The following GRB10 variants were observed in gnomAD, a reference collection of about 807,000 sequenced individuals.
The protein encoded by GRB10 is growth factor receptor-bound protein 10.
A neutral mutation model predicts 80.9 loss-of-function variants in GRB10; 20 were observed. The ratio of observed to expected loss-of-function variants is 0.25; its 90% confidence interval spans 0.17 to 0.36. The LOEUF is 0.36. Ranked by LOEUF, GRB10 falls within the 10% of genes least tolerant of loss-of-function variation. GRB10 has a pLI of 1.00. For synonymous variants in GRB10, 291 were observed against 291.5 expected (o/e 1.00, Z 0.02); for missense variants, 548 against 747.7 (o/e 0.73, Z 3.12).
chr7:50,640,302 A>G (rs775755342), intron 7 of GRB10, among the ~76,000 whole-genome samples: 1 of 152,194 alleles, frequency 6.6e-6, no homozygotes, highest in Non-Finnish European at 1.5e-5. Context: ...CTGAATTCCT[A>G]CTTCAATTGT....
At chr7:50,697,736 T>A (rs956311471) in intron 5 of GRB10, among the ~76,000 whole-genome samples, 1 of 152,136 alleles carries the variant, frequency 6.6e-6, no homozygotes, top group Non-Finnish European at 1.5e-5. Context: ...TTAAAAAGAA[T>A]CCCCAAAGTT....
At chr7:50,716,565 A>T (rs1168810139) in intron 4 of GRB10, among the ~76,000 whole-genome samples, 3 of 152,222 alleles carry the variant, frequency 2.0e-5, no homozygotes, top group Non-Finnish European at 2.9e-5. Context: ...GATGAAGATA[A>T]ATATGCTCTG....
intron 5 of GRB10, among the ~76,000 whole-genome samples, 163 bp downstream of exon 5, chr7:50,703,658 G>A (rs1014732388): frequency 1.3e-5 from 2 of 152,180 alleles, no homozygotes; most frequent in African/African-American, 4.8e-5. Context: ...TCAGAACCAA[G>A]GATCTTTCTC....
chr7:50,742,453 C>G (rs2072054055), intron 3 of GRB10, among the ~76,000 whole-genome samples: 1 of 152,158 alleles, frequency 6.6e-6, no homozygotes, highest in South Asian at 2.1e-4. Context: ...CCTACAAGTC[C>G]TAGGGTTTTC....
chr7:50,761,794 G>A (rs1315816660), intron 2 of GRB10: 1 of 152,202 alleles, frequency 6.6e-6, no homozygotes, highest in Non-Finnish European at 1.5e-5. Flanking sequence ...CTGTGGTGGT[G>A]GATCCTTCAT....
At chr7:50,777,897 A>G (rs1228892449) in intron 2 of GRB10, among the ~76,000 whole-genome samples, 1 of 152,074 alleles carries the variant, frequency 6.6e-6, no homozygotes, top group East Asian at 1.9e-4. Flanking sequence ...GGGGAATAAC[A>G]CACACCAGGG....
intron 10 of GRB10, among the ~76,000 whole-genome samples, chr7:50,617,106 G>A (rs117849753): frequency 0.011 from 1,732 of 152,276 alleles, 16 homozygotes; most frequent in Non-Finnish European, 0.018. Context: ...TCAAAGTCAA[G>A]GCAATTAAAA....
chr7:50,785,994 G>A (rs1332284825), upstream of GRB10, among the ~76,000 whole-genome samples: 3 of 152,184 alleles, frequency 2.0e-5, no homozygotes, highest in East Asian at 1.9e-4. Flanking sequence ...GAGGCTGTGC[G>A]TGTGTGGGGC....
At chr7:50,638,276 G>A (rs1022142543) in intron 7 of GRB10, among the ~76,000 whole-genome samples, 2 of 152,090 alleles carry the variant, frequency 1.3e-5, no homozygotes, top group Non-Finnish European at 2.9e-5. Flanking sequence ...AGACAAGTGG[G>A]ACTTAATTAA....
upstream of GRB10, among the ~76,000 whole-genome samples, chr7:50,784,061 G>T (rs949694480): frequency 2.0e-5 from 3 of 152,208 alleles, 1 homozygote; most frequent in Admixed American, 2.0e-4. Flanking sequence ...ACAACACAAA[G>T]GGTAACACAA....
chr7:50,677,374 G>A (rs1482405181), intron 5 of GRB10, among the ~76,000 whole-genome samples: 1 of 152,160 alleles, frequency 6.6e-6, no homozygotes, highest in Admixed American at 6.5e-5. Context: ...AGGACCCCTG[G>A]AGGGGCAGGC....
At chr7:50,683,566 G>A (rs764916158) in intron 5 of GRB10, among the ~76,000 whole-genome samples, 7 of 152,024 alleles carry the variant, frequency 4.6e-5, no homozygotes, top group Non-Finnish European at 7.4e-5. Flanking sequence ...GCGAAACCCT[G>A]TCTCTATTAA....
intron 7 of GRB10, among the ~76,000 whole-genome samples, chr7:50,662,867 C>G (rs2059420107): frequency 6.6e-6 from 1 of 152,214 alleles, no homozygotes; most frequent in African/African-American, 2.4e-5. Context: ...CCTTGTCCAT[C>G]TGGAATGCAG....
chr7:50,720,261 C>T lies in GRB10; in HGVS notation c.51+12011G>A, dbSNP rs974233417. Among the ~76,000 whole-genome samples, 8 of 152,258 alleles carry T rather than the reference C, an allele frequency of 5.3e-5. 1 individual carries two copies. Among genetic ancestry groups the T allele is most frequent in the Non-Finnish European group, 1.2e-4 (8 of 68,032 alleles). ...TTAATAATTCATATCACAGTCACTT[C>T]GAATACTTTGTTTCTAGTTAAGATG... On this transcript the variant is annotated intron_variant, in intron 4 of 18. Coordinates refer to ENST00000401949, the MANE Select transcript of GRB10 (RefSeq NM_001350814.2).
intron 3 of GRB10, among the ~76,000 whole-genome samples, chr7:50,753,640 C>G (rs1489011026): frequency 1.3e-5 from 2 of 152,222 alleles, no homozygotes. Context: ...TCCTGGAGGA[C>G]AGAGGAAGCA....
At chr7:50,604,528 A>C (rs2048181538) in intron 15 of GRB10, 151 bp from the exon 16 acceptor site, 1 of 734,370 alleles carries the variant, frequency 1.4e-6, no homozygotes, top group Admixed American at 1.9e-5. Flanking sequence ...CTGACCCCTG[A>C]GAACAAAGAG....
At chr7:50,748,624 C>T (rs2073455610) in intron 3 of GRB10, among the ~76,000 whole-genome samples, 1 of 152,192 alleles carries the variant, frequency 6.6e-6, no homozygotes, top group Non-Finnish European at 1.5e-5. Flanking sequence ...CCTTCTCATT[C>T]TTCCTAACAA....
chr7:50,636,842 C>T (rs1203718002), intron 7 of GRB10, among the ~76,000 whole-genome samples: 1 of 115,670 alleles, frequency 8.6e-6, no homozygotes, highest in African/African-American at 3.2e-5. Context: ...TGTCCACTCT[C>T]ACCACTACTA....
In GRB10 at chr7:50,732,255, T is replaced by C. The variant is rs1800604; in HGVS notation, c.51+17A>G. On this transcript the variant is annotated intron_variant, in intron 4 of 18. Transcript: ENST00000401949. The stretch of plus-strand genomic sequence containing the variant: ...AGCACCATCGGGCCAGGATCAGATA[T>C]ATGTGCTCGCCCATACCTGGTAGTA... 6 of 1,613,516 alleles carry C rather than the reference T, an allele frequency of 3.7e-6. No homozygotes were observed. The highest frequency in any genetic ancestry group is 1.1e-5 in the South Asian group (1 of 91,066).
Sources: gnomAD v4.1 joint callset for allele counts (sites outside exome capture counted in the v4.1 genomes callset) on GRCh38, gnomAD v4.1.1 for gene constraint, MANE v1.5 for transcripts, NCBI Gene and HGNC (gene_info 2026-07-23, HGNC 2026-07-21) for gene names.